Variants in GMFG observed in about 807,000 individuals in gnomAD.
GMFG encodes glia maturation factor gamma.
In GMFG, 21 loss-of-function variants were observed where a neutral mutation model predicts 26.1. The ratio of observed to expected loss-of-function variants is 0.80; its 90% confidence interval spans 0.57 to 1.16. GMFG has a LOEUF of 1.16. Among genes scored for constraint, GMFG ranks in the 50% most tolerant of loss-of-function variants. GMFG has a pLI of 0.00. For missense variants in GMFG, 161 were observed against 178.3 expected (o/e 0.90, Z 0.55); for synonymous variants, 65 against 60.8 (o/e 1.07, Z -0.32).
intron 4 of GMFG, among the ~76,000 whole-genome samples, chr19:39,330,336 G>A (rs139664938): frequency 2.6e-4 from 39 of 152,180 alleles, no homozygotes; most frequent in African/African-American, 8.4e-4. Flanking sequence ...ATCCAAGCCC[G>A]GTATAAAATG....
chr19:39,336,038 G>C lies in GMFG; in HGVS notation c.-62C>G, dbSNP rs560132092. The C allele has an allele frequency of 1.4e-4, 187 of 1,293,788 alleles. No individual in the cohort carries two copies. In the South Asian group the frequency reaches 1.6e-3, roughly 11 times the overall value. 80.1% of individuals were successfully genotyped at this position (1,293,788 alleles called of 1,614,324 possible). A position where few individuals can be genotyped will look rare whatever the true frequency, so the allele number is the denominator to read the frequency against. On this transcript the variant is annotated 5_prime_UTR_variant, in exon 1 of 7. Transcript: ENST00000597595. ...CCGCTGTCTTCTAGGCGTGGGGACC[G>C]GGGCTGTAGGGGGGCGGGCTGTGCA...
chr19:39,329,069 G>A lies in GMFG; in HGVS notation c.288C>T (p.Cys96=), dbSNP rs749375024. 6.2e-7 allele frequency: 1 copy of A among 1,612,078 alleles called. No homozygotes were observed. Among genetic ancestry groups the A allele is most frequent in the Non-Finnish European group, 8.5e-7 (1 of 1,178,190 alleles). The change falls in exon 6 of 7, where the codon TGC becomes TGT. Residue 96 remains cysteine (C), a synonymous_variant. Coordinates refer to ENST00000597595, the MANE Select transcript of GMFG (RefSeq NM_004877.4). ...LCFIFSSPVG[C]KPEQQMMYAG... is the part of the protein sequence containing the mutation. ...CATACATCATCTGTTGTTCCGGCTT[G>A]CAGCCTGCGTGGAAAAGAGGAGAAA...
intron 3 of GMFG, among the ~76,000 whole-genome samples, chr19:39,333,581 CAAAAA>C (rs750367671): frequency 2.1e-5 from 1 of 47,318 alleles, no homozygotes; most frequent in Non-Finnish European, 4.8e-5. Flanking sequence ...AACTCCGTCT[CAAAAA>C]AAAAAAAAAA....
intron 3 of GMFG, 26 bp from the exon 4 acceptor site, chr19:39,333,152 A>G: frequency 1.3e-6 from 2 of 1,544,816 alleles, no homozygotes; most frequent in Non-Finnish European, 1.8e-6. Context: ...AGAAGAAAAG[A>G]CAAAGAATGA....
intron 4 of GMFG, among the ~76,000 whole-genome samples, chr19:39,331,521 C>T (rs2075226256): frequency 6.6e-6 from 1 of 152,126 alleles, no homozygotes; most frequent in East Asian, 1.9e-4. Flanking sequence ...TCTTAGCAGA[C>T]CAGTTTTCAC....
intron 3 of GMFG, among the ~76,000 whole-genome samples, chr19:39,333,973 G>A (rs1409206060): frequency 1.3e-5 from 2 of 151,274 alleles, no homozygotes; most frequent in African/African-American, 4.9e-5. Flanking sequence ...AGGCCACCAG[G>A]GGGGTGAGGT....
chr19:39,334,533 G>A lies in GMFG; in HGVS notation c.150+728C>T, dbSNP rs564873082. Among the ~76,000 whole-genome samples the A allele has an allele frequency of 2.2e-4, 33 of 152,258 alleles. 1 individual carries two copies. Among genetic ancestry groups the A allele is most frequent in the African/African-American group, 7.2e-4 (30 of 41,538 alleles). ...TCCTCCTGCCTCAGCCTCCCAAAGCGCTGGGATTACAGGCATGAGCCACCA... is the reference window on the plus strand; with the variant it reads ...TCCTCCTGCCTCAGCCTCCCAAAGCACTGGGATTACAGGCATGAGCCACCA... On this transcript the variant is annotated intron_variant, in intron 3 of 6. Transcript: ENST00000597595.
intron 4 of GMFG, chr19:39,332,786 G>A: frequency 7.8e-6 from 2 of 257,564 alleles, no homozygotes; most frequent in Admixed American, 6.4e-5. Context: ...AGCCTCCCAA[G>A]TAGCTGGGAT....
intron 6 of GMFG, 47 bp from the exon 7 acceptor site, chr19:39,328,595 A>G (rs1210896833): frequency 7.0e-7 from 1 of 1,429,418 alleles, no homozygotes; most frequent in Non-Finnish European, 9.9e-7. Context: ...AAACACTGAG[A>G]CAGTGGCTGG....
chr19:39,335,607 C>T (rs1479520440), intron 1 of GMFG, 76 bp from the exon 2 acceptor site: 9 of 989,718 alleles, frequency 9.1e-6, no homozygotes, highest in Non-Finnish European at 1.5e-5. Flanking sequence ...GTTTCTCCAT[C>T]CACTAATGAA....
chr19:39,333,339 G>A (rs922371910), intron 3 of GMFG, among the ~76,000 whole-genome samples: 7 of 152,198 alleles, frequency 4.6e-5, no homozygotes, highest in African/African-American at 7.2e-5. Context: ...CCAGCTACTC[G>A]AGAGGCTGAG....
At chr19:39,331,368 G>A (rs754297545) in intron 4 of GMFG, among the ~76,000 whole-genome samples, 1 of 152,204 alleles carries the variant, frequency 6.6e-6, no homozygotes, top group Admixed American at 6.6e-5. Context: ...CTATAAAGAA[G>A]GTGACCGTTA....
intron 1 of GMFG, 110 bp from the exon 2 acceptor site, chr19:39,335,641 T>C (rs945066553): frequency 2.3e-5 from 18 of 796,870 alleles, no homozygotes; most frequent in Admixed American, 1.3e-4. Context: ...CCGGCCCATC[T>C]GATGCCTTTG....
At position 39,329,024 on chromosome 19, in the gene GMFG, C is replaced by T; in HGVS notation, c.333G>A (p.Leu111=). 2 of 1,613,510 alleles carry T rather than the reference C, an allele frequency of 1.2e-6. No homozygotes were observed. The highest frequency in any genetic ancestry group is 2.2e-5 in the South Asian group (2 of 91,070). The change falls in exon 6 of 7, where the codon CTG becomes CTA. Residue 111 remains leucine, a synonymous_variant. Coordinates refer to ENST00000597595, the MANE Select transcript of GMFG (RefSeq NM_004877.4). ...CCTTTGTGAGCTCTGCTGTCTGCAC[C>T]AGCCTGTTTTTACTCCCTGCATACA... ...QMMYAGSKNR[L]VQTAELTKVF... is the part of the protein sequence containing the mutation.
intron 3 of GMFG, among the ~76,000 whole-genome samples, chr19:39,334,960 C>T (rs558468461): frequency 1.1e-3 from 160 of 152,284 alleles, no homozygotes; most frequent in Middle Eastern, 3.4e-3. Context: ...AGCGATTCTC[C>T]TGCCTCGGCC....
Position 39,335,442 on chromosome 19 carries a change from G to A in GMFG, c.93C>T (p.Ala31=). 1 of 1,611,890 alleles carries A rather than the reference G, an allele frequency of 6.2e-7. No homozygotes were observed. The highest frequency in any genetic ancestry group is 2.2e-5 in the East Asian group (1 of 44,856). Residue 31 remains alanine, a synonymous_variant, in exon 2 of 7, where the codon GCC becomes GCT. Coordinates refer to ENST00000597595, the MANE Select transcript of GMFG (RefSeq NM_004877.4). Reference sequence around the variant, plus strand: ...GGGGAAGATGTCACTCACTTATGATGGCTGCATTGTCTGTCTCTTTTCGGA... The same window carrying A: ...GGGGAAGATGTCACTCACTTATGATAGCTGCATTGTCTGTCTCTTTTCGGA... ...FRFRKETDNA[A]IIMKVDKDRQ...
At chr19:39,329,141 G>T (rs1398243538) in intron 5 of GMFG, 68 bp from the exon 6 acceptor site, 1 of 1,077,352 alleles carries the variant, frequency 9.3e-7, no homozygotes, top group African/African-American at 1.6e-5. Flanking sequence ...CTCTAGTAAT[G>T]TCCTGAAGGC....
intron 5 of GMFG, among the ~76,000 whole-genome samples, 163 bp from the exon 6 acceptor site, chr19:39,329,236 A>C (rs925683660): frequency 3.3e-5 from 5 of 152,134 alleles, no homozygotes; most frequent in African/African-American, 1.2e-4. Context: ...GGGGGCTTCA[A>C]GTTATTCTGA....
intron 3 of GMFG, among the ~76,000 whole-genome samples, chr19:39,334,813 A>C (rs1225729393): frequency 6.6e-6 from 1 of 152,128 alleles, no homozygotes; most frequent in Non-Finnish European, 1.5e-5. Context: ...GTCATGAGTG[A>C]GCTAGAACTT....
Sources: gnomAD v4.1 joint callset for allele counts (sites outside exome capture counted in the v4.1 genomes callset) on GRCh38, gnomAD v4.1.1 for gene constraint, MANE v1.5 for transcripts, NCBI Gene and HGNC (gene_info 2026-07-23, HGNC 2026-07-21) for gene names.